The following AKAP12 variants were observed in gnomAD, a reference collection of about 807,000 sequenced individuals.
The protein encoded by AKAP12 is A-kinase anchoring protein 12.
A neutral mutation model predicts 79.9 loss-of-function variants in AKAP12; 32 were observed. That is an observed-to-expected ratio of 0.40 (90% CI 0.30 to 0.54). The LOEUF (loss-of-function observed/expected upper bound fraction) is 0.54, where lower values mean the gene tolerates loss of function less well. Ranked by LOEUF, AKAP12 falls within the 20% of genes least tolerant of loss-of-function variation. AKAP12 has a pLI of 0.48. For synonymous variants in AKAP12, 808 were observed against 857.0 expected, an observed-to-expected ratio of 0.94 and a Z score of 1.00; for missense variants, 2,074 against 2,177.0, an observed-to-expected ratio of 0.95 and a Z score of 0.94.
chr6:151,263,100 A>G (rs890696033), intron 2 of AKAP12, among the ~76,000 whole-genome samples: 13 of 152,154 alleles, frequency 8.5e-5, no homozygotes, highest in East Asian at 5.8e-4. Flanking sequence ...CAGTAGTGCA[A>G]TCCTAGCTTA....
intron 2 of AKAP12, among the ~76,000 whole-genome samples, chr6:151,265,053 A>T (rs1797524260): frequency 6.6e-6 from 1 of 152,010 alleles, no homozygotes; most frequent in Admixed American, 6.6e-5. Context: ...CGAGAGGCTG[A>T]GACGGGAGAA....
At chr6:151,242,742 G>A (rs1489736912) in intron 2 of AKAP12, among the ~76,000 whole-genome samples, 1 of 152,200 alleles carries the variant, frequency 6.6e-6, no homozygotes, top group Non-Finnish European at 1.5e-5. Flanking sequence ...CACATGTGTG[G>A]GTTTAGTGTT....
intron 2 of AKAP12, among the ~76,000 whole-genome samples, chr6:151,288,152 G>A (rs1264737131): frequency 1.3e-5 from 2 of 151,458 alleles, no homozygotes; most frequent in East Asian, 1.9e-4. Flanking sequence ...ACCATGGCAC[G>A]TGTATACCTC....
intron 3 of AKAP12, among the ~76,000 whole-genome samples, chr6:151,331,391 G>A (rs566149888): frequency 6.6e-6 from 1 of 152,204 alleles, no homozygotes; most frequent in Admixed American, 6.5e-5. Flanking sequence ...GGTGAGAGGT[G>A]TTCAGTCCAG....
At chr6:151,273,754 G>A (rs1776236514) in intron 2 of AKAP12, among the ~76,000 whole-genome samples, 1 of 152,168 alleles carries the variant, frequency 6.6e-6, no homozygotes, top group Admixed American at 6.5e-5. Flanking sequence ...GGCCAGTTGG[G>A]CGCAGTGGCT....
At chr6:151,265,058 G>A (rs1032403925) in intron 2 of AKAP12, among the ~76,000 whole-genome samples, 1 of 151,906 alleles carries the variant, frequency 6.6e-6, no homozygotes, top group African/African-American at 2.4e-5. Context: ...GGCTGAGACG[G>A]GAGAATTGCT....
chr6:151,349,055 G>A lies in AKAP12; in HGVS notation c.664G>A (p.Ala222Thr). ...CGACCACAAGGACCCCAGCCTTGGG[G>A]CTGGAGAAGCAGCATCCAAAGAAAG... is the stretch of plus-strand genomic sequence containing the variant. ...AGDHKDPSLGAGEAASKESEP... is the reference protein window; with the variant it reads ...AGDHKDPSLGTGEAASKESEP... The change falls in exon 4 of 5, where the codon GCT becomes ACT. Residue 222 changes from alanine to threonine, a missense_variant. Ala to Thr is a moderately conservative substitution (Grantham distance 58, BLOSUM62 0). This residue lies in a region of AKAP12 where 1,428 missense variants were observed against 1,451.0 expected (regional missense o/e 0.98). Transcript: ENST00000402676. The A allele has an allele frequency of 1.9e-6, 3 of 1,612,650 alleles. No homozygotes were observed. Among genetic ancestry groups the A allele is most frequent in the Non-Finnish European group, 2.5e-6 (3 of 1,179,658 alleles).
At chr6:151,296,613 C>A (rs369685456) in intron 2 of AKAP12, among the ~76,000 whole-genome samples, 126 of 152,210 alleles carry the variant, frequency 8.3e-4, no homozygotes, top group African/African-American at 2.7e-3. Context: ...CACATCTTTA[C>A]TAAAAATACA....
chr6:151,282,268 C>T (rs1776425313), intron 2 of AKAP12, among the ~76,000 whole-genome samples: 2 of 151,958 alleles, frequency 1.3e-5, no homozygotes, highest in African/African-American at 2.4e-5. Flanking sequence ...TGCCACCACG[C>T]CCAGCTAATT....
chr6:151,343,261 C>CT (rs1278555099), intron 3 of AKAP12, among the ~76,000 whole-genome samples: 1 of 152,144 alleles, frequency 6.6e-6, no homozygotes, highest in Admixed American at 6.5e-5. Flanking sequence ...AGCAACATGT[C>CT]TCTGCATTTT....
At chr6:151,330,637 A>G (rs1458190764) in intron 3 of AKAP12, among the ~76,000 whole-genome samples, 1 of 152,174 alleles carries the variant, frequency 6.6e-6, no homozygotes, top group African/African-American at 2.4e-5. Flanking sequence ...TTTCTCAACC[A>G]AAAATGATGG....
intron 2 of AKAP12, among the ~76,000 whole-genome samples, chr6:151,244,627 A>G (rs1797036524): frequency 6.6e-6 from 1 of 152,198 alleles, no homozygotes; most frequent in Non-Finnish European, 1.5e-5. Flanking sequence ...TTGTTTAGCA[A>G]TGGAAATGGA....
At chr6:151,337,512 G>GAAAAAAAAA (rs565900855) in intron 3 of AKAP12, among the ~76,000 whole-genome samples, 17 of 101,764 alleles carry the variant, frequency 1.7e-4, no homozygotes, top group East Asian at 9.9e-4. Flanking sequence ...TTTCCGTCTC[G>GAAAAAAAAA]AAAAAAAAAA....
In AKAP12 at chr6:151,351,893, G is replaced by A; in HGVS notation, c.3502G>A (p.Asp1168Asn). Residue 1168 changes from aspartate to asparagine, a missense_variant, in exon 4 of 5, where the codon GAC becomes AAC. Physicochemically the swap from Asp to Asn is conservative, Grantham distance 23. Coordinates refer to ENST00000402676, the MANE Select transcript of AKAP12 (RefSeq NM_005100.4). The surrounding 1 kb of genome is among the most constrained non-coding windows in gnomAD (Gnocchi z 4.4). Reference protein sequence around the residue: ...IPPDSVETPTDSETDGSTPVA... With the variant: ...IPPDSVETPTNSETDGSTPVA... ...CCCTGACTCGGTGGAAACCCCTACA[G>A]ACAGTGAGACTGATGGAAGCACCCC... The A allele has an allele frequency of 1.9e-6, 3 of 1,614,146 alleles. No homozygotes were observed. Among genetic ancestry groups the A allele is most frequent in the Non-Finnish European group, 2.5e-6 (3 of 1,180,022 alleles).
chr6:151,325,559 C>T, intron 3 of AKAP12: 2 of 1,279,766 alleles, frequency 1.6e-6, no homozygotes, highest in South Asian at 1.9e-5. Flanking sequence ...AGTTTGCGCT[C>T]CCGAAGTCCT....
rs773045674 is a variant in AKAP12 at position 151,305,914 on chromosome 6, C to T, written c.319+11C>T. On this transcript the variant is annotated intron_variant, in intron 3 of 4. Transcript: ENST00000402676. ...TCATTGTCACAGAGGGTAAGCCGCCCCTCCAGGAACTGGAAGGCACACAGC... is the reference window on the plus strand; with the variant it reads ...TCATTGTCACAGAGGGTAAGCCGCCTCTCCAGGAACTGGAAGGCACACAGC... The T allele has an allele frequency of 1.9e-6, 3 of 1,595,978 alleles. No homozygotes were observed. The highest frequency in any genetic ancestry group is 2.6e-6 in the Non-Finnish European group (3 of 1,171,048).
chr6:151,294,221 C>T (rs965794055), intron 2 of AKAP12, among the ~76,000 whole-genome samples: 1 of 152,182 alleles, frequency 6.6e-6, no homozygotes, highest in Non-Finnish European at 1.5e-5. Context: ...ATCCACCCGC[C>T]TCGGCCTCCC....
At chr6:151,277,954 G>A in intron 2 of AKAP12, among the ~76,000 whole-genome samples, 1 of 124,970 alleles carries the variant, frequency 8.0e-6, no homozygotes, top group East Asian at 2.6e-4. Context: ...ATGTGTGTGT[G>A]TGTGTGTGTG....
intron 2 of AKAP12, among the ~76,000 whole-genome samples, chr6:151,292,400 G>C (rs577347328): frequency 2.6e-5 from 4 of 152,308 alleles, no homozygotes; most frequent in African/African-American, 9.6e-5. Flanking sequence ...AGGCAGTATA[G>C]CTACAAATTT....
Sources: allele counts gnomAD v4.1 joint callset (sites outside exome capture counted in the v4.1 genomes callset), GRCh38; gene constraint gnomAD v4.1.1; regional missense constraint gnomAD v4.1.1; non-coding constraint Gnocchi (gnomAD v3.1); transcripts MANE v1.5; gene names NCBI Gene and HGNC (gene_info 2026-07-23, HGNC 2026-07-21).